The following CNTN5 variants were observed in gnomAD, a reference collection of about 807,000 sequenced individuals.
The protein encoded by CNTN5 is contactin 5.
Under a neutral mutation model 129.1 loss-of-function variants are expected in CNTN5, and 77 were observed. The observed-to-expected ratio is 0.60, with a 90% confidence interval of 0.50 to 0.72. The LOEUF is 0.72. CNTN5 is among the 30% of genes least tolerant of loss of function. The pLI, the probability that CNTN5 is intolerant of heterozygous loss-of-function variation, is 0.00. For missense variants in CNTN5, 1,478 were observed against 1,328.8 expected (o/e 1.11, Z -1.75); for synonymous variants, 509 against 465.6 (o/e 1.09, Z -1.20).
chr11:99,814,058 G>T (rs965959916), intron 3 of CNTN5, among the ~76,000 whole-genome samples: 1 of 152,120 alleles, frequency 6.6e-6, no homozygotes, highest in Non-Finnish European at 1.5e-5. Flanking sequence ...TTTTTATATA[G>T]TTATGAGAAC....
At chr11:99,534,818 G>A (rs1947842597) in intron 2 of CNTN5, among the ~76,000 whole-genome samples, 1 of 152,052 alleles carries the variant, frequency 6.6e-6, no homozygotes, top group Admixed American at 6.6e-5. Flanking sequence ...ATATTGGGAT[G>A]GTCAGGGAGA....
chr11:99,703,611 A>G (rs563004664), intron 3 of CNTN5, among the ~76,000 whole-genome samples: 1 of 151,054 alleles, frequency 6.6e-6, no homozygotes, highest in African/African-American at 2.4e-5. Context: ...AAGTGCACCT[A>G]AATTTACACT....
At chr11:100,291,166 T>C (rs910900613) in intron 18 of CNTN5, among the ~76,000 whole-genome samples, 1 of 150,410 alleles carries the variant, frequency 6.6e-6, no homozygotes, top group African/African-American at 2.4e-5. Flanking sequence ...GGTGGGAATG[T>C]AAACTAGTTC....
At chr11:99,483,803 TG>T (rs1036264222) in intron 2 of CNTN5, among the ~76,000 whole-genome samples, 3 of 152,054 alleles carry the variant, frequency 2.0e-5, no homozygotes, top group Non-Finnish European at 4.4e-5. Flanking sequence ...GAACATAAAC[TG>T]GGCTAAGCAC....
chr11:99,751,146 G>A (rs537766271), intron 3 of CNTN5, among the ~76,000 whole-genome samples: 7 of 152,208 alleles, frequency 4.6e-5, no homozygotes, highest in Admixed American at 3.9e-4. Context: ...AGAACAGCCT[G>A]ACCAACATAG....
intron 3 of CNTN5, among the ~76,000 whole-genome samples, chr11:99,737,168 C>T (rs1378626795): frequency 3.3e-5 from 5 of 151,894 alleles, no homozygotes; most frequent in African/African-American, 7.3e-5. Flanking sequence ...CACACGCACA[C>T]GCACACACAG....
intron 3 of CNTN5, among the ~76,000 whole-genome samples, chr11:99,666,417 G>T (rs1952795462): frequency 6.6e-6 from 1 of 152,136 alleles, no homozygotes; most frequent in African/African-American, 2.4e-5. Flanking sequence ...TGAGCAAAGA[G>T]ACTTTCTCCG....
intron 9 of CNTN5, among the ~76,000 whole-genome samples, chr11:100,040,488 T>C (rs1942311289): frequency 6.6e-6 from 1 of 152,228 alleles, no homozygotes. Context: ...CACTGCTCTC[T>C]TCAAAGCTGT....
intron 21 of CNTN5, among the ~76,000 whole-genome samples, chr11:100,324,704 T>C (rs1188799002): frequency 6.6e-6 from 1 of 152,180 alleles, no homozygotes; most frequent in Admixed American, 6.5e-5. Context: ...TAATCTTCAG[T>C]ATATTTTCTT....
intron 1 of CNTN5, among the ~76,000 whole-genome samples, chr11:99,074,142 T>C (rs912862012): frequency 2.6e-5 from 4 of 152,232 alleles, no homozygotes; most frequent in Admixed American, 2.6e-4. Context: ...TATCGAGCTT[T>C]TTTTCATATG....
chr11:100,220,894 G>C (rs1279043464), intron 15 of CNTN5, among the ~76,000 whole-genome samples: 1 of 152,134 alleles, frequency 6.6e-6, no homozygotes, highest in Admixed American at 6.6e-5. Flanking sequence ...AGAGGAAAAG[G>C]GGCAGCAGGG....
chr11:99,456,404 T>C (rs1462281631), intron 2 of CNTN5, among the ~76,000 whole-genome samples: 2 of 152,160 alleles, frequency 1.3e-5, no homozygotes, highest in Non-Finnish European at 2.9e-5. Context: ...GAATGAATGT[T>C]AAATATCGAA....
chr11:99,902,173 T>C (rs1268061238), intron 6 of CNTN5, among the ~76,000 whole-genome samples: 2 of 151,776 alleles, frequency 1.3e-5, no homozygotes, highest in African/African-American at 2.4e-5. Flanking sequence ...CCTTTTCTAC[T>C]CCTGCTAATT....
At chr11:99,651,946 T>C (rs1331180010) in intron 3 of CNTN5, among the ~76,000 whole-genome samples, 2 of 152,068 alleles carry the variant, frequency 1.3e-5, no homozygotes, top group Non-Finnish European at 2.9e-5. Flanking sequence ...CTGACTACAT[T>C]AGTTTTCTAC....
chr11:99,598,052 G>A (rs1318710401), intron 3 of CNTN5, among the ~76,000 whole-genome samples: 1 of 152,042 alleles, frequency 6.6e-6, no homozygotes, highest in Non-Finnish European at 1.5e-5. Context: ...CCATTAGGAT[G>A]TGTCTAGAGA....
rs190640732 is a variant in CNTN5, at chr11:100,213,212, A to G, written c.1885-11480A>G. ...AATGAAACAATCAAGCCCTATCAAT[A>G]TGAAATCTTGGATCAAATATATAAG... On this transcript the variant is annotated intron_variant, in intron 15 of 24. Coordinates refer to ENST00000524871, the MANE Select transcript of CNTN5 (RefSeq NM_014361.4). Among the ~76,000 whole-genome samples the G allele has an allele frequency of 5.3e-5, 8 of 152,304 alleles. 1 individual carries two copies. The highest frequency in any genetic ancestry group is 4.6e-4 in the Admixed American group (7 of 15,294).
At chr11:100,076,585 A>T (rs1038730156) in intron 13 of CNTN5, among the ~76,000 whole-genome samples, 1 of 152,096 alleles carries the variant, frequency 6.6e-6, no homozygotes, top group African/African-American at 2.4e-5. Context: ...AGAAAGATAC[A>T]TTGACCTGAA....
intron 7 of CNTN5, among the ~76,000 whole-genome samples, chr11:99,932,429 G>A (rs1039122884): frequency 1.4e-4 from 22 of 152,176 alleles, no homozygotes; most frequent in African/African-American, 5.1e-4. Context: ...CTGACCTCAG[G>A]TGATCGACCC....
intron 3 of CNTN5, among the ~76,000 whole-genome samples, chr11:99,730,906 T>C (rs571907956): frequency 9.8e-5 from 15 of 152,286 alleles, no homozygotes; most frequent in South Asian, 2.1e-4. Context: ...TACCTAAGTG[T>C]ATGCATGTAC....
Sources: gnomAD v4.1 joint callset for allele counts (sites outside exome capture counted in the v4.1 genomes callset) on GRCh38, gnomAD v4.1.1 for gene constraint, MANE v1.5 for transcripts, NCBI Gene and HGNC (gene_info 2026-07-23, HGNC 2026-07-21) for gene names.